The following F8 variants were observed in gnomAD, a reference collection of about 807,000 sequenced individuals.
F8 encodes coagulation factor VIII, also known as antihemophilic factor.
F8 carries 12 observed loss-of-function variants against 140.6 expected under a neutral mutation model. The observed-to-expected ratio is 0.09, with a 90% CI of 0.05 to 0.14. F8 has a LOEUF of 0.14. F8 is among the 10% of genes least tolerant of loss of function. The pLI, the probability that F8 is intolerant of heterozygous loss-of-function variation, is 1.00. For missense variants in F8, 1,354 were observed against 1,720.7 expected, an observed-to-expected ratio of 0.79 and a Z score of 3.77; for synonymous variants, 585 against 614.6, an observed-to-expected ratio of 0.95 and a Z score of 0.71.
chrX:154,852,507 T>G (rs2072623773), intron 25 of F8, among the ~76,000 whole-genome samples: 1 of 112,151 alleles, frequency 8.9e-6, no homozygotes, highest in Non-Finnish European at 1.9e-5. Flanking sequence ...TGAAAATCAA[T>G]TGACCATAGA....
At chrX:154,843,208 G>T (rs1250304672) in intron 25 of F8, among the ~76,000 whole-genome samples, 1 of 111,656 alleles carries the variant, frequency 9.0e-6, no homozygotes, top group African/African-American at 3.3e-5. Context: ...TGGACATTTG[G>T]GTTGGTTCCA....
intron 12 of F8, among the ~76,000 whole-genome samples, chrX:154,953,360 A>T (rs1208395498): frequency 1.8e-5 from 2 of 111,979 alleles, no homozygotes; most frequent in African/African-American, 6.5e-5. Context: ...ACAAAGATAT[A>T]TAAAGGAGAA....
chrX:154,987,710 T>G (rs781917731), intron 4 of F8, among the ~76,000 whole-genome samples: 10 of 112,482 alleles, frequency 8.9e-5, no homozygotes, highest in African/African-American at 3.2e-4. Context: ...TTGTCCATAT[T>G]AAACATCTAT....
intron 12 of F8, among the ~76,000 whole-genome samples, chrX:154,951,611 T>C (rs1043978836): frequency 1.8e-5 from 2 of 112,028 alleles, no homozygotes; most frequent in Non-Finnish European, 3.8e-5. Context: ...TTTCATTGTA[T>C]GAAAATAGAT....
rs146825991 is a variant in F8 at position 154,907,909 on chromosome X, C to A, written c.5220-1336G>T. On this transcript the variant is annotated intron_variant, in intron 14 of 25. Coordinates refer to ENST00000360256, the MANE Select transcript of F8 (RefSeq NM_000132.4). ...AAACATTTACCATTCCGTGGCTAAT[C>A]TTTTCATTGTTTTTATGTTATCTTT... 8.0e-3 allele frequency among the ~76,000 whole-genome samples: 893 copies of A among 110,933 alleles called. 7 individuals are homozygous for A. Among genetic ancestry groups the A allele is most frequent in the African/African-American group, 0.027 (840 of 30,568 alleles).
At chrX:154,864,366 G>C (rs1000796609) in intron 22 of F8, among the ~76,000 whole-genome samples, 1 of 112,536 alleles carries the variant, frequency 8.9e-6, no homozygotes, top group Non-Finnish European at 1.9e-5. Context: ...ACCAGAAGAG[G>C]TGTCAGCTCA....
rs1402535758 is a variant in F8, at chrX:154,844,913, A to G, written c.6901-7161T>C. ...TTCCAGTTTTTGCCCATTCAGTATGATATTGGCTGTGGGTTTGTCATAAAT... is the reference window on the plus strand; with the variant it reads ...TTCCAGTTTTTGCCCATTCAGTATGGTATTGGCTGTGGGTTTGTCATAAAT... On this transcript the variant is annotated intron_variant, in intron 25 of 25. Coordinates refer to ENST00000360256, the MANE Select transcript of F8 (RefSeq NM_000132.4). 5.4e-5 allele frequency among the ~76,000 whole-genome samples: 6 copies of G among 110,135 alleles called. No homozygotes were observed. The Admixed American group carries it at 5.8e-4, about 11-fold the overall frequency.
In F8 at chrX:154,904,343, T is replaced by G; in HGVS notation, c.5768A>C (p.Asn1923Thr). The part of the protein sequence containing the change: ...NMERNCRAPC[N>T]IQMEDPTFKE... ...AAAAGTGGGATCTTCCATCTGGATATTGCAGGGAGCCCTGCAGTTTCTTTC... is the reference window on the plus strand; with the variant it reads ...AAAAGTGGGATCTTCCATCTGGATAGTGCAGGGAGCCCTGCAGTTTCTTTC... Residue 1923 changes from asparagine to threonine, a missense_variant, in exon 17 of 26, where the codon AAT (asparagine) becomes ACT (threonine). Physicochemically the swap from Asn to Thr is moderately conservative, Grantham distance 65. This residue lies in a region of F8 where 316 missense variants were observed against 485.4 expected (regional missense o/e 0.65). Transcript: ENST00000360256. 1 of 1,210,483 alleles carries G rather than the reference T, an allele frequency of 8.3e-7. No individual in the cohort carries two copies. The highest frequency in any genetic ancestry group is 1.1e-6 in the Non-Finnish European group (1 of 894,112).
Position 154,904,448 on chromosome X carries a change from C to T in F8, c.5663G>A (p.Arg1888Lys). The change falls in exon 17 of 26, where the codon AGA becomes AAA. Residue 1888 changes from arginine (R) to lysine (K), a missense_variant. By Grantham distance (26) the Arg-to-Lys change is conservative. Transcript: ENST00000360256. ...HTNTLNPAHGRQVTVQEFALF... is the reference protein window; with the variant it reads ...HTNTLNPAHGKQVTVQEFALF... The stretch of plus-strand genomic sequence containing the variant: ...AGCAAATTCCTGTACTGTCACTTGT[C>T]TCCCATGAGCAGGGTTCAGTGTGTT... 1 of 1,211,651 alleles carries T rather than the reference C, an allele frequency of 8.3e-7. No individual in the cohort carries two copies. The highest frequency in any genetic ancestry group is 3.0e-5 in the East Asian group (1 of 33,847).
At chrX:154,877,133 G>A (rs188481238) in intron 22 of F8, among the ~76,000 whole-genome samples, 1 of 112,239 alleles carries the variant, frequency 8.9e-6, no homozygotes, top group East Asian at 2.8e-4. Flanking sequence ...TGACTAAACC[G>A]TATGTGCTAG....
intron 22 of F8, among the ~76,000 whole-genome samples, chrX:154,893,755 C>A (rs932978885): frequency 9.9e-5 from 11 of 111,551 alleles, no homozygotes; most frequent in African/African-American, 3.6e-4. Context: ...GGAAGAAAAT[C>A]AAAATATTTT....
At chrX:154,921,160 C>T (rs782720499) in intron 14 of F8, among the ~76,000 whole-genome samples, 28 of 111,904 alleles carry the variant, frequency 2.5e-4, no homozygotes, top group Non-Finnish European at 4.3e-4. Context: ...TCTATATTTT[C>T]ACTCCCTTCT....
At chrX:154,860,390 T>C (rs782370974) in intron 25 of F8, 42 bp downstream of exon 25, 2 of 1,177,764 alleles carry the variant, frequency 1.7e-6, no homozygotes, top group Non-Finnish European at 2.3e-6. Flanking sequence ...AGAGGTGGTA[T>C]TTTTTTTCTT....
intron 22 of F8, among the ~76,000 whole-genome samples, chrX:154,895,870 A>C (rs1387666010): frequency 1.8e-5 from 2 of 112,179 alleles, no homozygotes; most frequent in African/African-American, 6.5e-5. Flanking sequence ...ATTTCTATCA[A>C]TACAGCATCT....
At chrX:154,940,290 C>G (rs1019716739) in intron 13 of F8, among the ~76,000 whole-genome samples, 4 of 111,540 alleles carry the variant, frequency 3.6e-5, no homozygotes, top group Non-Finnish European at 5.7e-5. Context: ...GAATGGACAA[C>G]TAGAATAACC....
chrX:154,999,377 T>C (rs1557285393), intron 2 of F8, 102 bp downstream of exon 2: 2 of 906,538 alleles, frequency 2.2e-6, no homozygotes, highest in East Asian at 7.0e-5. Context: ...AACATTCTCT[T>C]TGGCAGCTGC....
intron 14 of F8, among the ~76,000 whole-genome samples, chrX:154,907,444 T>C (rs782789079): frequency 4.5e-5 from 5 of 112,183 alleles, no homozygotes; most frequent in Non-Finnish European, 9.4e-5. Context: ...TGAACATATA[T>C]GTGCATTTCT....
At chrX:154,907,135 A>G (rs782666446) in intron 14 of F8, among the ~76,000 whole-genome samples, 3 of 111,719 alleles carry the variant, frequency 2.7e-5, no homozygotes, top group Non-Finnish European at 5.7e-5. Context: ...TATGATAATC[A>G]TTTCTTTGCT....
intron 12 of F8, among the ~76,000 whole-genome samples, chrX:154,953,492 G>A (rs781934470): frequency 7.1e-5 from 8 of 112,067 alleles, no homozygotes; most frequent in African/African-American, 2.3e-4. Context: ...ATATCTGCTG[G>A]TTAAGCCACC....
Sources: allele counts gnomAD v4.1 joint callset (sites outside exome capture counted in the v4.1 genomes callset), GRCh38; gene constraint gnomAD v4.1.1; regional missense constraint gnomAD v4.1.1; transcripts MANE v1.5; gene names NCBI Gene and HGNC (gene_info 2026-07-23, HGNC 2026-07-21).